Variants in SLC13A1 observed in about 807,000 individuals in gnomAD.
SLC13A1 encodes the protein Na(+)/sulfate cotransporter.
Under a neutral mutation model 70.0 loss-of-function variants are expected in SLC13A1, and 65 were observed. That is an observed-to-expected ratio of 0.93 (90% confidence interval 0.76 to 1.14). The LOEUF (loss-of-function observed/expected upper bound fraction) is 1.14, where lower values mean the gene tolerates loss of function less well. Among genes scored for constraint, SLC13A1 ranks in the 50% most tolerant of loss-of-function variants. The pLI, the probability that SLC13A1 is intolerant of heterozygous loss-of-function variation, is 0.00. For missense variants in SLC13A1, 726 were observed against 717.8 expected (o/e 1.01, Z -0.13); for synonymous variants, 275 against 250.5 (o/e 1.10, Z -0.92).
At chr7:123,182,829 A>C (rs1795682450) in intron 1 of SLC13A1, among the ~76,000 whole-genome samples, 1 of 152,136 alleles carries the variant, frequency 6.6e-6, no homozygotes, top group Non-Finnish European at 1.5e-5. Flanking sequence ...TCCATATTTT[A>C]AGTGGCTCAG....
In SLC13A1 at chr7:123,115,621, A is replaced by G; in HGVS notation, c.1685T>C (p.Val562Ala). Residue 562 changes from valine to alanine, a missense_variant, in exon 15 of 15, where the codon GTT becomes GCT. Physicochemically the swap from Val to Ala is moderately conservative, Grantham distance 64. Coordinates refer to ENST00000194130, the MANE Select transcript of SLC13A1 (RefSeq NM_022444.4). Reference protein sequence around the residue: ...KAGLGVNIVGVAVVMLGICTW... With the variant: ...KAGLGVNIVGAAVVMLGICTW... ...ACATATGCCAAGCATAACCACAGCA[A>G]CACCAACAATGTTGACACCAAGTCC... is the stretch of plus-strand genomic sequence containing the variant. 1 of 1,613,960 alleles carries G rather than the reference A, an allele frequency of 6.2e-7. No homozygotes were observed. Among genetic ancestry groups the G allele is most frequent in the Non-Finnish European group, 8.5e-7 (1 of 1,179,838 alleles).
At chr7:123,186,992 C>A (rs1795822408) in intron 1 of SLC13A1, among the ~76,000 whole-genome samples, 1 of 151,094 alleles carries the variant, frequency 6.6e-6, no homozygotes, top group African/African-American at 2.4e-5. Flanking sequence ...AAAAAAAAGT[C>A]CAGAGGACTT....
At chr7:123,147,383 C>T in intron 6 of SLC13A1, 73 bp from the exon 7 acceptor site, 1 of 1,497,144 alleles carries the variant, frequency 6.7e-7, no homozygotes, top group Non-Finnish European at 9.1e-7. Context: ...TTGTGTCCCA[C>T]CACCCGCACC....
chr7:123,164,573 G>A (rs1795011771), intron 6 of SLC13A1, among the ~76,000 whole-genome samples: 2 of 150,984 alleles, frequency 1.3e-5, no homozygotes, highest in Admixed American at 6.6e-5. Flanking sequence ...CAAAAAAAAA[G>A]CTAAGCCTTT....
rs749887944 is a variant in SLC13A1 at position 123,168,470 on chromosome 7, G to GA, written c.611+33dup. The GA allele has an allele frequency of 5.0e-6, 8 of 1,593,936 alleles. No homozygotes were observed. The East Asian group carries it at 1.6e-4, about 31-fold the overall frequency. ...TATAATTTTATTAAAATATAATTTG[G>GA]AAAAATCCCAATCAAAATGTCAGTA... On this transcript the variant is annotated intron_variant, in intron 5 of 14. Transcript: ENST00000194130.
chr7:123,194,875 C>A (rs550185076), intron 1 of SLC13A1, among the ~76,000 whole-genome samples: 1 of 152,016 alleles, frequency 6.6e-6, no homozygotes, highest in Non-Finnish European at 1.5e-5. Flanking sequence ...GGACTGCATG[C>A]GGTTAGGGGA....
In SLC13A1 at chr7:123,164,008, T is replaced by A. The variant is rs143160200; in HGVS notation, c.660+4366A>T. 4.4e-4 allele frequency among the ~76,000 whole-genome samples: 67 copies of A among 152,172 alleles called. 1 individual carries two copies. The highest frequency in any genetic ancestry group is 1.5e-3 in the African/African-American group (61 of 41,548). On this transcript the variant is annotated intron_variant, in intron 6 of 14. Coordinates refer to ENST00000194130, the MANE Select transcript of SLC13A1 (RefSeq NM_022444.4). ...ATCTCTGCCCCATGAACCTTGCATT[T>A]TAGTGGAGAAAGAAGACAATGAACA...
intron 1 of SLC13A1, among the ~76,000 whole-genome samples, chr7:123,183,163 T>C (rs554849567): frequency 1.3e-5 from 2 of 152,276 alleles, no homozygotes; most frequent in South Asian, 2.1e-4. Flanking sequence ...CCTTTGACCG[T>C]GTTTGATCAT....
chr7:123,151,869 A>C (rs1429420804), intron 6 of SLC13A1, among the ~76,000 whole-genome samples: 1 of 152,000 alleles, frequency 6.6e-6, no homozygotes, highest in Non-Finnish European at 1.5e-5. Flanking sequence ...GACTCTGTTC[A>C]ATTTTCTCCA....
intron 2 of SLC13A1, among the ~76,000 whole-genome samples, chr7:123,178,210 G>A (rs1366951769): frequency 6.6e-6 from 1 of 151,938 alleles, no homozygotes; most frequent in Non-Finnish European, 1.5e-5. Context: ...TTTAATATTT[G>A]TTGATATTCT....
chr7:123,166,769 AT>A (rs1442467984), intron 6 of SLC13A1, among the ~76,000 whole-genome samples: 2 of 152,018 alleles, frequency 1.3e-5, no homozygotes, highest in Admixed American at 6.6e-5. Flanking sequence ...CATGTGCCAC[AT>A]TTTCTTAATC....
At position 123,169,332 on chromosome 7, in the gene SLC13A1, C is replaced by T; in HGVS notation, c.369G>A (p.Leu123=). Residue 123 remains leucine, a synonymous_variant, in exon 4 of 15, where the codon CTG becomes CTA. Coordinates refer to ENST00000194130, the MANE Select transcript of SLC13A1 (RefSeq NM_022444.4). The part of the protein sequence containing the change: ...VMMVGVNPAW[L]TLGFMSSTAF... ...CAGTGCTGCTCATGAACCCCAGCGT[C>T]AGCCTGAAACCAGAGAGCCATTATT... 6.2e-7 allele frequency: 1 copy of T among 1,611,442 alleles called. No individual in the cohort carries two copies. The highest frequency in any genetic ancestry group is 8.5e-7 in the Non-Finnish European group (1 of 1,179,888).
At chr7:123,161,605 T>C (rs1031756730) in intron 6 of SLC13A1, among the ~76,000 whole-genome samples, 2 of 152,124 alleles carry the variant, frequency 1.3e-5, no homozygotes, top group Non-Finnish European at 2.9e-5. Context: ...ACTGCAAGTT[T>C]CCAGTGCTGG....
rs28364187 is a variant in SLC13A1 at position 123,172,042 on chromosome 7, G to A, written c.229-138C>T. On this transcript the variant is annotated intron_variant, in intron 2 of 14. Transcript: ENST00000194130. Reference sequence around the variant, plus strand: ...CCATTTTGTTGAGAAAAATGTAGATGTGTTTGAATACAAATTTAGACATGT... The same window carrying A: ...CCATTTTGTTGAGAAAAATGTAGATATGTTTGAATACAAATTTAGACATGT... 72 of 753,606 alleles carry A rather than the reference G, an allele frequency of 9.6e-5. No homozygotes were observed. The African/African-American group carries it at 9.6e-4, about 10-fold the overall frequency. The allele number at this position is 753,606 out of a possible 1,614,324, so 46.7% of individuals were successfully genotyped here.
intron 8 of SLC13A1, among the ~76,000 whole-genome samples, chr7:123,131,355 G>T (rs1398327988): frequency 6.6e-6 from 1 of 151,922 alleles, no homozygotes; most frequent in East Asian, 1.9e-4. Context: ...AAGGAGATGA[G>T]TCTCCTTAGA....
chr7:123,198,854 C>G (rs1053978535), intron 1 of SLC13A1, among the ~76,000 whole-genome samples: 1 of 152,086 alleles, frequency 6.6e-6, no homozygotes, highest in East Asian at 1.9e-4. Flanking sequence ...ATTGCCCCAC[C>G]TGTGGAGTCA....
intron 14 of SLC13A1, among the ~76,000 whole-genome samples, chr7:123,115,910 A>G (rs1006041011): frequency 6.6e-6 from 1 of 152,162 alleles, no homozygotes; most frequent in Non-Finnish European, 1.5e-5. Context: ...GTTCTTCTCC[A>G]TTCGTAGCAA....
rs755159319 is a variant in SLC13A1, at chr7:123,129,407, T to G, written c.1007A>C (p.Glu336Ala). 31 of 1,600,306 alleles carry G rather than the reference T, an allele frequency of 1.9e-5. No individual in the cohort carries two copies. The highest frequency in any genetic ancestry group is 2.6e-5 in the Non-Finnish European group (30 of 1,174,794). ...QKACAEVIKQ[E>A]YQKLGPIRYQ... ...CCTTATTGGCCCAAGCTTTTGGTAT[T>G]CTTGCTTAATCACCTCAGCACAAGC... The change falls in exon 9 of 15, where the codon GAA (glutamate) becomes GCA (alanine). Residue 336 changes from glutamate (E) to alanine (A), a missense_variant. Transcript: ENST00000194130.
chr7:123,119,037 C>T, intron 13 of SLC13A1, 44 bp downstream of exon 13: 1 of 1,550,630 alleles, frequency 6.4e-7, no homozygotes, highest in Non-Finnish European at 8.8e-7. Flanking sequence ...AAGCAGAGTA[C>T]TGCTCTTAAT....
Sources: allele counts gnomAD v4.1 joint callset (sites outside exome capture counted in the v4.1 genomes callset), GRCh38; gene constraint gnomAD v4.1.1; transcripts MANE v1.5; gene names NCBI Gene and HGNC (gene_info 2026-07-23, HGNC 2026-07-21).